STK3: variants seen among roughly 807,000 people sequenced by gnomAD.
STK3 encodes the protein serine/threonine kinase 3.
In STK3, 41 loss-of-function variants were observed where a neutral mutation model predicts 58.0. The observed-to-expected ratio is 0.71, with a 90% CI of 0.55 to 0.92. The LOEUF (loss-of-function observed/expected upper bound fraction) is 0.92, where lower values mean the gene tolerates loss of function less well. STK3 is among the 40% of genes least tolerant of loss of function. The pLI is 0.00. For missense variants in STK3, 479 were observed against 602.7 expected (o/e 0.79, Z 2.15); for synonymous variants, 170 against 191.0 (o/e 0.89, Z 0.91).
intron 8 of STK3, among the ~76,000 whole-genome samples, chr8:98,550,870 G>A (rs1034040550): frequency 1.3e-5 from 2 of 152,212 alleles, no homozygotes; most frequent in East Asian, 1.9e-4. Context: ...CAAAGTACAC[G>A]GCATTATACT....
At chr8:98,753,231 T>C (rs984029205) in intron 3 of STK3, among the ~76,000 whole-genome samples, 1 of 152,188 alleles carries the variant, frequency 6.6e-6, no homozygotes, top group Non-Finnish European at 1.5e-5. Context: ...TAAATGCCCA[T>C]CAATGATAGA....
intron 6 of STK3, among the ~76,000 whole-genome samples, chr8:98,617,951 T>TA (rs895116834): frequency 1.3e-5 from 2 of 152,158 alleles, no homozygotes; most frequent in African/African-American, 4.8e-5. Flanking sequence ...GAATCCTCCC[T>TA]AACTCATTTT....
intron 1 of STK3, among the ~76,000 whole-genome samples, chr8:98,885,726 C>T (rs1402650846): frequency 6.6e-6 from 1 of 152,236 alleles, no homozygotes; most frequent in Non-Finnish European, 1.5e-5. Context: ...AGGCGTGAGC[C>T]ACCGCAGCAG....
chr8:98,344,971 A>G, the STK3 span, among the ~76,000 whole-genome samples: 1 of 151,254 alleles, frequency 6.6e-6, no homozygotes, highest in Non-Finnish European at 1.5e-5. Context: ...CCCATCACCT[A>G]TAGTAATGTT....
At chr8:98,666,060 G>A (rs1822336449) in intron 6 of STK3, among the ~76,000 whole-genome samples, 1 of 152,000 alleles carries the variant, frequency 6.6e-6, no homozygotes, top group Non-Finnish European at 1.5e-5. Context: ...TTTAAATGAT[G>A]GACACTGTCA....
intron 1 of STK3, among the ~76,000 whole-genome samples, chr8:98,903,531 TCTTCTTCTTCTTCTTCTTCTTCTTCC>T (rs1564093436): frequency 1.3e-4 from 4 of 30,786 alleles, no homozygotes; most frequent in Admixed American, 1.0e-3. Flanking sequence ...TTCTTCTTCT[TCTTCTTCTTCTTCTTCTTCTTCTTCC>T]TTTTTTTTTT....
intron 2 of STK3, among the ~76,000 whole-genome samples, chr8:98,376,552 A>G (rs1020566175): frequency 1.3e-5 from 2 of 152,152 alleles, no homozygotes; most frequent in Non-Finnish European, 1.5e-5. Flanking sequence ...TAGTTTATGC[A>G]TTGCATTTAG....
chr8:98,479,470 G>A (rs1055810932), intron 10 of STK3, among the ~76,000 whole-genome samples: 1 of 122,494 alleles, frequency 8.2e-6, no homozygotes, highest in Non-Finnish European at 1.6e-5. Context: ...CTGGGTGACA[G>A]AGCAACACTC....
At chr8:98,877,427 A>C (rs1564077833) in intron 3 of STK3, among the ~76,000 whole-genome samples, 1 of 152,230 alleles carries the variant, frequency 6.6e-6, no homozygotes, top group Admixed American at 6.5e-5. Context: ...ACTTAAAAAA[A>C]ATTAGCAGTA....
intron 8 of STK3, among the ~76,000 whole-genome samples, chr8:98,551,620 C>T (rs1162749483): frequency 6.6e-6 from 1 of 152,252 alleles, no homozygotes; most frequent in Non-Finnish European, 1.5e-5. Flanking sequence ...ATGAAAAATA[C>T]TGCGAGGACA....
chr8:98,785,218 G>A lies in STK3; in HGVS notation c.27-10399C>T, dbSNP rs548383943. Among the ~76,000 whole-genome samples the A allele has an allele frequency of 1.2e-4, 19 of 152,332 alleles. No individual in the cohort carries two copies. The South Asian group carries it at 2.3e-3, about 18-fold the overall frequency. On this transcript the variant is annotated intron_variant, in intron 1 of 10. Transcript: ENST00000419617. Reference sequence around the variant, plus strand: ...CCAGGCATAACTCCAGGCATTCAGAGCACCTGCTTGCCTGGTTCAGCAGCC... The same window carrying A: ...CCAGGCATAACTCCAGGCATTCAGAACACCTGCTTGCCTGGTTCAGCAGCC...
chr8:98,399,530 G>A (rs549825127), downstream of STK3, among the ~76,000 whole-genome samples: 3 of 152,224 alleles, frequency 2.0e-5, no homozygotes, highest in African/African-American at 4.8e-5. Flanking sequence ...TGCCCCAAGC[G>A]GGCCCCTTGG....
chr8:98,941,782 T>C (rs1413315159), intron 1 of STK3, among the ~76,000 whole-genome samples: 1 of 152,218 alleles, frequency 6.6e-6, no homozygotes, highest in Non-Finnish European at 1.5e-5. Context: ...CGGTTGGGGT[T>C]CAGGCAGCCG....
At chr8:98,370,067 G>C (rs35961136), downstream of STK3, among the ~76,000 whole-genome samples, 31,605 of 149,628 alleles carry the variant, frequency 0.21, 3,458 homozygotes, top group Middle Eastern at 0.39. Flanking sequence ...CTCACAGTCA[G>C]ACATCAAAAA....
At chr8:98,439,705 T>C (rs1008011885) in intron 1 of STK3, among the ~76,000 whole-genome samples, 4 of 152,198 alleles carry the variant, frequency 2.6e-5, no homozygotes, top group Admixed American at 2.6e-4. Context: ...GGGATAGGCT[T>C]AACATTAATT....
At chr8:98,552,788 C>T (rs1284818502) in intron 8 of STK3, among the ~76,000 whole-genome samples, 2 of 152,046 alleles carry the variant, frequency 1.3e-5, no homozygotes, top group African/African-American at 2.4e-5. Context: ...TATTAAAACA[C>T]CTAGCATACA....
At chr8:98,897,656 T>G (rs571707583) in intron 1 of STK3, among the ~76,000 whole-genome samples, 1 of 152,196 alleles carries the variant, frequency 6.6e-6, no homozygotes, top group South Asian at 2.1e-4. Flanking sequence ...ACAGCCCTTA[T>G]TCCATCATTT....
At chr8:98,593,922 G>T (rs763529968) in intron 7 of STK3, among the ~76,000 whole-genome samples, 1 of 152,066 alleles carries the variant, frequency 6.6e-6, no homozygotes, top group Non-Finnish European at 1.5e-5. Context: ...TCAGAAGTTT[G>T]TTAGGTTAAA....
chr8:98,581,598 C>T lies in STK3; in HGVS notation c.823-1809G>A, dbSNP rs755017245. On this transcript the variant is annotated intron_variant, in intron 7 of 10. Coordinates refer to ENST00000419617, the MANE Select transcript of STK3 (RefSeq NM_006281.4). ...TTGGTGGTGTTTGGCTAGAGTAGAACGGTTATCATCTGAAAGTTTTCAGTC... is the reference window on the plus strand; with the variant it reads ...TTGGTGGTGTTTGGCTAGAGTAGAATGGTTATCATCTGAAAGTTTTCAGTC... Among the ~76,000 whole-genome samples, 4 of 151,798 alleles carry T rather than the reference C, an allele frequency of 2.6e-5. No homozygotes were observed. In the South Asian group the frequency reaches 6.3e-4, roughly 24 times the overall value.
Sources: allele counts gnomAD v4.1 joint callset (sites outside exome capture counted in the v4.1 genomes callset), GRCh38; gene constraint gnomAD v4.1.1; transcripts MANE v1.5; gene names NCBI Gene and HGNC (gene_info 2026-07-23, HGNC 2026-07-21).